Variants in NEXMIF observed in about 807,000 individuals in gnomAD.
The protein encoded by NEXMIF is XLMR protein related to neurite extension.
In NEXMIF, 8 loss-of-function variants were observed where a neutral mutation model predicts 62.1. The observed-to-expected ratio is 0.13, with a 90% confidence interval of 0.08 to 0.23. The LOEUF is 0.23. NEXMIF is among the 10% of genes least tolerant of loss of function. NEXMIF has a pLI of 1.00. For missense variants in NEXMIF, 976 were observed against 1,113.3 expected (o/e 0.88, Z 1.75); for synonymous variants, 404 against 416.6 (o/e 0.97, Z 0.37).
At chrX:74,874,928 G>C (rs1394867005) in intron 1 of NEXMIF, among the ~76,000 whole-genome samples, 2 of 110,074 alleles carry the variant, frequency 1.8e-5, no homozygotes, top group Non-Finnish European at 3.8e-5. Flanking sequence ...ATACAACCAT[G>C]TCATCTGCAA....
chrX:74,796,124 T>C (rs1285312145), intron 1 of NEXMIF, among the ~76,000 whole-genome samples: 2 of 78,085 alleles, frequency 2.6e-5, no homozygotes, highest in East Asian at 3.7e-4. Context: ...TATATATATA[T>C]TTATATATAA....
chrX:74,789,310 T>C (rs765437324), intron 1 of NEXMIF, among the ~76,000 whole-genome samples: 1 of 106,394 alleles, frequency 9.4e-6, no homozygotes, highest in Admixed American at 1.0e-4. Flanking sequence ...GAACTCATCA[T>C]TTTTTATGGC....
At chrX:74,762,221 G>GT (rs1175834074) in intron 1 of NEXMIF, among the ~76,000 whole-genome samples, 1 of 106,820 alleles carries the variant, frequency 9.4e-6, no homozygotes, top group Non-Finnish European at 1.9e-5. Flanking sequence ...GCGGTGTTTG[G>GT]TTTTTTGTCC....
At chrX:74,823,094 C>A (rs2080402775) in intron 1 of NEXMIF, among the ~76,000 whole-genome samples, 1 of 112,087 alleles carries the variant, frequency 8.9e-6, no homozygotes, top group African/African-American at 3.2e-5. Flanking sequence ...AAGCCAGACA[C>A]AAAAGGCCAC....
At chrX:74,872,105 T>A (rs1439231019) in intron 1 of NEXMIF, among the ~76,000 whole-genome samples, 1 of 111,623 alleles carries the variant, frequency 9.0e-6, no homozygotes, top group Non-Finnish European at 1.9e-5. Context: ...AAGTATTAAC[T>A]TTGGAAACTG....
intron 1 of NEXMIF, among the ~76,000 whole-genome samples, chrX:74,799,981 TAGAC>T (rs755830272): frequency 8.7e-4 from 97 of 111,429 alleles, no homozygotes; most frequent in Non-Finnish European, 3.8e-4. Context: ...CTTTTAATGA[TAGAC>T]AGAACAACTA....
At chrX:74,844,110 C>T (rs1229001694) in intron 1 of NEXMIF, among the ~76,000 whole-genome samples, 1 of 111,437 alleles carries the variant, frequency 9.0e-6, no homozygotes, top group Non-Finnish European at 1.9e-5. Flanking sequence ...ATATAGGCTC[C>T]CAGTCTCTTC....
intron 1 of NEXMIF, among the ~76,000 whole-genome samples, chrX:74,753,563 T>C (rs1232610445): frequency 8.9e-6 from 1 of 111,840 alleles, no homozygotes; most frequent in Non-Finnish European, 1.9e-5. Context: ...CTGTTCTTAC[T>C]TATCCCAAGA....
intron 1 of NEXMIF, among the ~76,000 whole-genome samples, chrX:74,870,291 C>A (rs187613742): frequency 2.5e-4 from 28 of 110,959 alleles, no homozygotes; most frequent in East Asian, 1.4e-3. Flanking sequence ...AAACTTGACC[C>A]CCCATCTCTC....
intron 1 of NEXMIF, among the ~76,000 whole-genome samples, chrX:74,889,120 G>C (rs754549822): frequency 4.5e-5 from 5 of 111,810 alleles, no homozygotes; most frequent in Non-Finnish European, 9.4e-5. Context: ...TATTATTTCC[G>C]TTAATGCCCA....
At chrX:74,754,602 C>T (rs892645296) in intron 1 of NEXMIF, among the ~76,000 whole-genome samples, 7 of 111,239 alleles carry the variant, frequency 6.3e-5, no homozygotes, top group Admixed American at 5.8e-4. Context: ...TCACCGCACC[C>T]AGCCTTCTTT....
intron 1 of NEXMIF, among the ~76,000 whole-genome samples, chrX:74,832,457 C>A (rs2080441139): frequency 9.0e-6 from 1 of 111,420 alleles, no homozygotes; most frequent in African/African-American, 3.3e-5. Context: ...TCTCCATTTT[C>A]ATCTCTGATT....
chrX:74,918,771 C>T (rs771337721), intron 1 of NEXMIF, among the ~76,000 whole-genome samples: 14 of 111,810 alleles, frequency 1.3e-4, no homozygotes, highest in African/African-American at 3.9e-4. Context: ...CTCTAAATGG[C>T]TCCATTTTTT....
chrX:74,793,124 T>C (rs2080291633), intron 1 of NEXMIF, among the ~76,000 whole-genome samples: 1 of 111,570 alleles, frequency 9.0e-6, no homozygotes, highest in Admixed American at 9.5e-5. Flanking sequence ...CGGTTGTTCC[T>C]TTCCATGTTT....
At chrX:74,794,561 G>A (rs1027318699) in intron 1 of NEXMIF, among the ~76,000 whole-genome samples, 53 of 112,437 alleles carry the variant, frequency 4.7e-4, no homozygotes, top group Admixed American at 4.7e-3. Flanking sequence ...AATGGCGAGC[G>A]CCCCTCCCCC....
chrX:74,789,070 G>T (rs1211781109), intron 1 of NEXMIF, among the ~76,000 whole-genome samples: 1 of 107,203 alleles, frequency 9.3e-6, no homozygotes, highest in African/African-American at 3.4e-5. Context: ...CTGGTGCACT[G>T]CACCCACTAA....
chrX:74,830,271 T>C (rs1006093983), intron 1 of NEXMIF, among the ~76,000 whole-genome samples: 1 of 112,177 alleles, frequency 8.9e-6, no homozygotes, highest in African/African-American at 3.2e-5. Context: ...TGCATATGGA[T>C]ATCCAGTTTT....
intron 1 of NEXMIF, among the ~76,000 whole-genome samples, chrX:74,880,900 T>C (rs2080660199): frequency 9.0e-6 from 1 of 111,396 alleles, no homozygotes; most frequent in Admixed American, 9.6e-5. Context: ...CACAGTATCC[T>C]TTGACACATA....
intron 1 of NEXMIF, among the ~76,000 whole-genome samples, chrX:74,771,780 G>T (rs977650995): frequency 1.1e-3 from 122 of 110,955 alleles, no homozygotes; most frequent in African/African-American, 3.3e-3. Flanking sequence ...GGCTTACATG[G>T]TTATACAATT....
Sources: allele counts gnomAD v4.1 joint callset (sites outside exome capture counted in the v4.1 genomes callset), GRCh38; gene constraint gnomAD v4.1.1; transcripts MANE v1.5; gene names NCBI Gene and HGNC (gene_info 2026-07-23, HGNC 2026-07-21).